Variants in SBF1 observed in about 807,000 individuals in gnomAD.
The protein encoded by SBF1 is myotubularin-related protein 5.
SBF1 carries 65 observed loss-of-function variants against 215.8 expected under a neutral mutation model. The observed-to-expected ratio is 0.30, with a 90% CI of 0.25 to 0.37. The LOEUF is 0.37. Ranked by LOEUF, SBF1 falls within the 10% of genes least tolerant of loss-of-function variation. The pLI is 1.00. For synonymous variants in SBF1, 1,410 were observed against 1,122.8 expected (o/e 1.26, Z -5.11); for missense variants, 2,634 against 2,667.8 (o/e 0.99, Z 0.28).
rs866118370 is a variant in SBF1 at position 50,460,078 on chromosome 22, A to C, written c.3365T>G (p.Val1122Gly). The change falls in exon 26 of 41, where the codon GTG becomes GGG. Residue 1122 changes from valine (V) to glycine (G), a missense_variant. Val to Gly is a moderately radical substitution (Grantham distance 109). Coordinates refer to ENST00000380817, the MANE Select transcript of SBF1 (RefSeq NM_002972.4). Reference protein sequence around the residue: ...PSDRMTMSSLVERACCRDYQR... With the variant: ...PSDRMTMSSLGERACCRDYQR... The stretch of plus-strand genomic sequence containing the variant: ...GTAGTCGCGACAGCAAGCCCTTTCC[A>C]CCAGGCTGCTCATGGTCATGCGGTC... 5 of 1,613,754 alleles carry C rather than the reference A, an allele frequency of 3.1e-6. No individual in the cohort carries two copies. The African/African-American group carries it at 6.7e-5, about 22-fold the overall frequency.
intron 1 of SBF1, among the ~76,000 whole-genome samples, chr22:50,472,080 T>C (rs1021768905): frequency 2.0e-5 from 3 of 152,198 alleles, no homozygotes; most frequent in Non-Finnish European, 4.4e-5. Context: ...AGAGGCAGTC[T>C]GTCTAGTCCT....
chr22:50,464,590 G>T lies in SBF1; in HGVS notation c.1580C>A (p.Ala527Glu), dbSNP rs1274724297. 2 of 1,611,906 alleles carry T rather than the reference G, an allele frequency of 1.2e-6. No individual in the cohort carries two copies. Among genetic ancestry groups the T allele is most frequent in the South Asian group, 2.2e-5 (2 of 90,938 alleles). The change falls in exon 14 of 41, where the codon GCA becomes GAA. Residue 527 changes from alanine (A) to glutamate (E), a missense_variant. Coordinates refer to ENST00000380817, the MANE Select transcript of SBF1 (RefSeq NM_002972.4). ...CCTCTCGGCCTTCACAGCTGGGGGTGCACCCTGCATCTTGGCTGCAGCCTG... is the reference window on the plus strand; with the variant it reads ...CCTCTCGGCCTTCACAGCTGGGGGTTCACCCTGCATCTTGGCTGCAGCCTG... ...VDQAAAKMQGAPPAVKAERRT... is the reference protein window; with the variant it reads ...VDQAAAKMQGEPPAVKAERRT...
In SBF1 at chr22:50,459,316, G is replaced by A. The variant is rs201985055; in HGVS notation, c.3765C>T (p.Tyr1255=). The change falls in exon 28 of 41, where the codon TAC becomes TAT. Residue 1255 remains tyrosine (Y), a synonymous_variant. Transcript: ENST00000380817. ...LQAVVSSMPR[Y]ADASGRNTLS... Reference sequence around the variant, plus strand: ...GCGTGTTGCGTCCCGACGCGTCGGCGTAGCGGGGCATGGAGCTGACCACAG... The same window carrying A: ...GCGTGTTGCGTCCCGACGCGTCGGCATAGCGGGGCATGGAGCTGACCACAG... 1.6e-3 allele frequency: 2,613 copies of A among 1,612,666 alleles called. 4 individuals carry two copies. The highest frequency in any genetic ancestry group is 1.8e-3 in the Non-Finnish European group (2,180 of 1,179,424).
chr22:50,453,779 T>C (rs1306091706), intron 36 of SBF1, among the ~76,000 whole-genome samples: 1 of 150,760 alleles, frequency 6.6e-6, no homozygotes, highest in Non-Finnish European at 1.5e-5. Context: ...AGAGCGAGAC[T>C]CCATCTCAAA....
Position 50,466,085 on chromosome 22 carries a change from A to C in SBF1, c.898-11T>G, listed in dbSNP as rs1197335259. On this transcript the variant is annotated splice_polypyrimidine_tract_variant and intron_variant, in intron 8 of 40. Transcript: ENST00000380817. ...AACAATCACATCGAGCTGCGGACCA[A>C]GGGAGCCGGCAGTCAGGGACCTGCA... 6.2e-7 allele frequency: 1 copy of C among 1,613,390 alleles called. No homozygotes were observed. Among genetic ancestry groups the C allele is most frequent in the East Asian group, 2.2e-5 (1 of 44,898 alleles).
chr22:50,463,275 G>C lies in SBF1; in HGVS notation c.1899+8C>G. ...GAGCCATGTCACTAGCAGGATAAGA[G>C]GCCTCACCTGCAGGCAGCAGTTCAT... On this transcript the variant is annotated splice_region_variant and intron_variant, in intron 16 of 40. Coordinates refer to ENST00000380817, the MANE Select transcript of SBF1 (RefSeq NM_002972.4). The C allele has an allele frequency of 6.2e-7, 1 of 1,613,322 alleles. No individual in the cohort carries two copies. The highest frequency in any genetic ancestry group is 8.5e-7 in the Non-Finnish European group (1 of 1,179,820).
intron 28 of SBF1, among the ~76,000 whole-genome samples, chr22:50,457,574 G>A (rs542574988): frequency 6.6e-6 from 1 of 152,348 alleles, no homozygotes; most frequent in South Asian, 2.1e-4. Context: ...GAGAAGAGGC[G>A]ACCTGGAGGC....
Position 50,467,825 on chromosome 22 carries a change from G to A in SBF1, c.240C>T (p.Cys80=), listed in dbSNP as rs375698739. 48 of 1,613,870 alleles carry A rather than the reference G, an allele frequency of 3.0e-5. No individual in the cohort carries two copies. The highest frequency in any genetic ancestry group is 9.9e-5 in the South Asian group (9 of 91,068). ...CTGGCTCCCAGAAGGTCAAGCAGGC[G>A]CAGTAGTGGCGCTCGGAGTTGATGT... is the stretch of plus-strand genomic sequence containing the variant. ...LTDINSERHY[C]ACLTFWEPAE... is the part of the protein sequence containing the mutation. Residue 80 remains cysteine, a synonymous_variant, in exon 3 of 41, where the codon TGC becomes TGT. Coordinates refer to ENST00000380817, the MANE Select transcript of SBF1 (RefSeq NM_002972.4).
At chr22:50,458,304 CAAAAAA>C (rs35742256) in intron 28 of SBF1, among the ~76,000 whole-genome samples, 2 of 82,654 alleles carry the variant, frequency 2.4e-5, no homozygotes, top group Non-Finnish European at 4.3e-5. Flanking sequence ...GACTCCGACT[CAAAAAA>C]AAAAAAAAAA....
At chr22:50,465,718 C>T in intron 10 of SBF1, 45 bp downstream of exon 10, 1 of 1,537,304 alleles carries the variant, frequency 6.5e-7, no homozygotes, top group Non-Finnish European at 8.8e-7. Context: ...GTGGGGGCAG[C>T]CTAAGTGCCT....
Position 50,474,955 on chromosome 22 carries a change from T to A in SBF1, c.-115A>T. On this transcript the variant is annotated 5_prime_UTR_variant, in exon 1 of 41. Transcript: ENST00000380817. ...CTGGACCGCGCACCCCGGACACCCC[T>A]GGTTCGCTCCGCGGCGGCGGCGGCG... is the stretch of plus-strand genomic sequence containing the variant. 1 of 638,590 alleles carries A rather than the reference T, an allele frequency of 1.6e-6. No individual in the cohort carries two copies. The highest frequency in any genetic ancestry group is 2.0e-6 in the Non-Finnish European group (1 of 488,480). The allele number at this position is 638,590 out of a possible 1,614,324, so 39.6% of individuals were successfully genotyped here.
Position 50,454,665 on chromosome 22 carries a change from A to AG in SBF1, c.4889dup (p.Pro1631SerfsTer3). On this transcript the variant is annotated frameshift_variant, in exon 36 of 41. Transcript: ENST00000380817. LOFTEE classifies it high-confidence loss of function. The stretch of plus-strand genomic sequence containing the variant: ...CCTGGGCCAGTTCCCAGTCATAGGG[A>AG]GGGCCCTCGGCCAGCGTCTCCTCAG... 6.3e-7 allele frequency: 1 copy of AG among 1,581,676 alleles called. No homozygotes were observed. Among genetic ancestry groups the AG allele is most frequent in the Non-Finnish European group, 8.6e-7 (1 of 1,164,382 alleles).
chr22:50,463,368 A>T lies in SBF1; in HGVS notation c.1814T>A (p.Leu605Gln). ...ACGGTTCTGCTGCACATGCAGGTGC[A>T]GCTCCTGGGCGAGGCAGCGGCGGGC... The part of the protein sequence containing the change: ...RAARRCLAQE[L>Q]HLHVQQNRAV... The change falls in exon 16 of 41, where the codon CTG becomes CAG. Residue 605 changes from leucine (L) to glutamine (Q), a missense_variant. By Grantham distance (113) the Leu-to-Gln change is moderately radical. Transcript: ENST00000380817. The T allele has an allele frequency of 6.2e-7, 1 of 1,608,632 alleles. No individual in the cohort carries two copies. The highest frequency in any genetic ancestry group is 8.5e-7 in the Non-Finnish European group (1 of 1,177,358).
At chr22:50,461,039 A>G in intron 23 of SBF1, 120 bp downstream of exon 23, 1 of 1,312,398 alleles carries the variant, frequency 7.6e-7, no homozygotes, top group East Asian at 2.4e-5. Context: ...CAGACATGCA[A>G]GCGTAACAAC....
At chr22:50,474,162 G>C (rs564294218) in intron 1 of SBF1, among the ~76,000 whole-genome samples, 1 of 152,236 alleles carries the variant, frequency 6.6e-6, no homozygotes, top group Admixed American at 6.5e-5. Flanking sequence ...TTGGCGTGCA[G>C]GGCCTGGACC....
rs202049257 is a variant in SBF1 at position 50,454,628 on chromosome 22, G to T, written c.4927C>A (p.Pro1643Thr). ...CCATCAGACCGTTCTTCCTCTGGGG[G>T]TTCAGGGGGCCCCTGGGCCAGTTCC... is the stretch of plus-strand genomic sequence containing the variant. The part of the protein sequence containing the change: ...DWELAQGPPE[P>T]PEEERSDGGA... The change falls in exon 36 of 41, where the codon CCC becomes ACC. Residue 1643 changes from proline to threonine, a missense_variant. By Grantham distance (38) the Pro-to-Thr change is conservative. Transcript: ENST00000380817. 3,820 of 1,602,490 alleles carry T rather than the reference G, an allele frequency of 2.4e-3. 8 individuals are homozygous for T. Among genetic ancestry groups the T allele is most frequent in the Non-Finnish European group, 2.8e-3 (3,276 of 1,174,192 alleles).
At chr22:50,450,485 C>T (rs2067004009) in intron 36 of SBF1, among the ~76,000 whole-genome samples, 1 of 151,400 alleles carries the variant, frequency 6.6e-6, no homozygotes, top group Non-Finnish European at 1.5e-5. Flanking sequence ...TGCGCCACTG[C>T]ACTCCAGCCT....
rs2067423379 is a variant in SBF1 at position 50,459,797 on chromosome 22, C to T, written c.3492-131G>A. 2.3e-6 allele frequency: 3 copies of T among 1,314,672 alleles called. No homozygotes were observed. The Admixed American group carries it at 7.0e-5, about 31-fold the overall frequency. 81.4% of individuals were successfully genotyped at this position (1,314,672 alleles called of 1,614,324 possible). Reference sequence around the variant, plus strand: ...GCTTCCAGCTCAGCCACGGGGCCCCCCAGCCACCCCCCAGCCCTGTGGCCC... The same window carrying T: ...GCTTCCAGCTCAGCCACGGGGCCCCTCAGCCACCCCCCAGCCCTGTGGCCC... On this transcript the variant is annotated intron_variant, in intron 26 of 40. Transcript: ENST00000380817.
chr22:50,446,830 G>GACTC lies in SBF1; in HGVS notation c.*308_*311dup, dbSNP rs1180619649. The GACTC allele has an allele frequency of 1.4e-6, 1 of 703,900 alleles. No individual in the cohort carries two copies. The highest frequency in any genetic ancestry group is 2.7e-5 in the East Asian group (1 of 36,458). 43.6% of individuals were successfully genotyped at this position (703,900 alleles called of 1,614,324 possible). A position where few individuals can be genotyped will look rare whatever the true frequency, so the allele number is the denominator to read the frequency against. On this transcript the variant is annotated 3_prime_UTR_variant, in exon 41 of 41. Transcript: ENST00000380817. Reference sequence around the variant, plus strand: ...GTGGCGTTAGTTCTCTCTTTATATAGACTCTGGTTCTAGAAACTCGCCTGC... The same window carrying GACTC: ...GTGGCGTTAGTTCTCTCTTTATATAGACTCACTCTGGTTCTAGAAACTCGCCTGC...
Sources: allele counts gnomAD v4.1 joint callset (sites outside exome capture counted in the v4.1 genomes callset), GRCh38; gene constraint gnomAD v4.1.1; transcripts MANE v1.5; gene names NCBI Gene and HGNC (gene_info 2026-07-23, HGNC 2026-07-21).